The following ARHGAP6 variants were observed in gnomAD, a reference collection of about 807,000 sequenced individuals.
ARHGAP6 encodes rho GTPase-activating protein 6.
Under a neutral mutation model 55.7 loss-of-function variants are expected in ARHGAP6, and 16 were observed. The ratio of observed to expected loss-of-function variants is 0.29; its 90% CI spans 0.19 to 0.44. The LOEUF (loss-of-function observed/expected upper bound fraction) is 0.44. Ranked by LOEUF, ARHGAP6 falls within the 20% of genes least tolerant of loss-of-function variation. ARHGAP6 has a pLI of 1.00. For missense variants in ARHGAP6, 698 were observed against 808.9 expected (o/e 0.86, Z 1.66); for synonymous variants, 382 against 360.9 (o/e 1.06, Z -0.66).
At chrX:11,427,476 G>C in intron 1 of ARHGAP6, 1 of 913,674 alleles carries the variant, frequency 1.1e-6, no homozygotes, top group Non-Finnish European at 1.4e-6. Context: ...GACTACCATC[G>C]CCCCTCGCAG....
At position 11,189,105 on chromosome X, in the gene ARHGAP6, C is replaced by T. The variant is rs189810303; in HGVS notation, c.821-121G>A. ...AAAGGAATGTTTTCTGAAGAATTGA[C>T]TCATCAATCAAAAAGGTGACATTTG... On this transcript the variant is annotated intron_variant, in intron 3 of 12. Coordinates refer to ENST00000337414, the MANE Select transcript of ARHGAP6 (RefSeq NM_013427.3). 9.3e-5 allele frequency: 80 copies of T among 863,346 alleles called. No homozygotes were observed. The East Asian group carries it at 2.5e-3, about 27-fold the overall frequency. The allele number at this position is 863,346 out of a possible 1,213,427, so 71.1% of individuals were successfully genotyped here.
At position 11,165,662 on chromosome X, in the gene ARHGAP6, T is replaced by C. The variant is rs139227255; in HGVS notation, c.1809+3843A>G. Among the ~76,000 whole-genome samples the C allele has an allele frequency of 5.6e-3, 626 of 112,090 alleles. 5 individuals are homozygous for C. The highest frequency in any genetic ancestry group is 0.019 in the African/African-American group (586 of 30,838). ...GTTAACTGTGGGGCCCAAGATTACATAGCAAATAAGTGGCTGAGCAGGGAT... is the reference window on the plus strand; with the variant it reads ...GTTAACTGTGGGGCCCAAGATTACACAGCAAATAAGTGGCTGAGCAGGGAT... On this transcript the variant is annotated intron_variant, in intron 9 of 12. Coordinates refer to ENST00000337414, the MANE Select transcript of ARHGAP6 (RefSeq NM_013427.3).
chrX:11,409,197 G>A (rs148868007), intron 1 of ARHGAP6, among the ~76,000 whole-genome samples: 44 of 111,835 alleles, frequency 3.9e-4, no homozygotes, highest in African/African-American at 1.4e-3. Context: ...AGTGTTTTCC[G>A]TATGTTAATC....
intron 1 of ARHGAP6, among the ~76,000 whole-genome samples, chrX:11,447,146 A>T (rs1414984159): frequency 8.9e-6 from 1 of 112,051 alleles, no homozygotes; most frequent in East Asian, 2.8e-4. Flanking sequence ...GGGAGGAGGT[A>T]CTTGAGTCTT....
intron 6 of ARHGAP6, 68 bp from the exon 7 acceptor site, chrX:11,179,520 G>A (rs1439987980): frequency 1.8e-6 from 2 of 1,126,451 alleles, no homozygotes; most frequent in Non-Finnish European, 2.4e-6. Context: ...CCCAGCAGGA[G>A]AAGTGCTGTG....
chrX:11,354,285 CTCTCTCTCTT>C lies in ARHGAP6; in HGVS notation c.589-99588_589-99579del, dbSNP rs1210854528. Among the ~76,000 whole-genome samples the C allele has an allele frequency of 3.5e-3, 286 of 81,401 alleles. 1 individual carries two copies. Among genetic ancestry groups the C allele is most frequent in the Middle Eastern group, 6.5e-3 (1 of 154 alleles). The allele number at this position is 81,401 out of a possible 115,157, so 70.7% of individuals were successfully genotyped here. Reference sequence around the variant, plus strand: ...GAAAGAGCTCTCTCTCTCTCTCTCTCTCTCTCTCTTTCTCTCTCTCTCTCTCTCTCTCTCT... The same window carrying C: ...GAAAGAGCTCTCTCTCTCTCTCTCTCTCTCTCTCTCTCTCTCTCTCTCTCT... On this transcript the variant is annotated intron_variant, in intron 1 of 12. Transcript: ENST00000337414.
At chrX:11,488,197 G>A (rs1483673071) in intron 1 of ARHGAP6, among the ~76,000 whole-genome samples, 1 of 111,771 alleles carries the variant, frequency 8.9e-6, no homozygotes, top group Non-Finnish European at 1.9e-5. Context: ...ATACAAAGGA[G>A]ATTACTTAGA....
chrX:11,574,917 C>A (rs1312094207), intron 1 of ARHGAP6, among the ~76,000 whole-genome samples: 1 of 111,653 alleles, frequency 9.0e-6, no homozygotes, highest in African/African-American at 3.3e-5. Context: ...ATCAATCCCT[C>A]TCATCTGTAC....
intron 1 of ARHGAP6, among the ~76,000 whole-genome samples, chrX:11,625,282 G>A (rs1457447597): frequency 1.0e-5 from 1 of 95,363 alleles, no homozygotes; most frequent in Non-Finnish European, 2.2e-5. Context: ...TAAAGAAAAT[G>A]TGGAGTGTGT....
intron 1 of ARHGAP6, among the ~76,000 whole-genome samples, chrX:11,324,003 T>C (rs757782023): frequency 2.7e-5 from 3 of 111,072 alleles, no homozygotes; most frequent in African/African-American, 6.6e-5. Flanking sequence ...GGACCAATGA[T>C]TAACAGCAGA....
chrX:11,184,977 A>T (rs1293814180), intron 5 of ARHGAP6, among the ~76,000 whole-genome samples: 1 of 112,250 alleles, frequency 8.9e-6, no homozygotes, highest in Non-Finnish European at 1.9e-5. Context: ...AAACCTGTAC[A>T]GCATGCGACT....
intron 1 of ARHGAP6, among the ~76,000 whole-genome samples, chrX:11,454,104 C>T (rs749793724): frequency 7.2e-5 from 7 of 97,623 alleles, no homozygotes; most frequent in Admixed American, 3.5e-4. Context: ...CCACCACGCA[C>T]GGCTAATTTT....
chrX:11,514,514 C>T (rs2050817094), intron 1 of ARHGAP6, among the ~76,000 whole-genome samples: 1 of 109,927 alleles, frequency 9.1e-6, no homozygotes, highest in Non-Finnish European at 1.9e-5. Flanking sequence ...CCACCGTTCC[C>T]AACACCCTGC....
intron 1 of ARHGAP6, among the ~76,000 whole-genome samples, chrX:11,592,905 C>T (rs1020725961): frequency 2.0e-4 from 22 of 111,372 alleles, no homozygotes; most frequent in Non-Finnish European, 4.0e-4. Flanking sequence ...ACCCTCACTA[C>T]CTGGCAGCAT....
intron 1 of ARHGAP6, among the ~76,000 whole-genome samples, chrX:11,410,927 A>T (rs774776714): frequency 9.2e-6 from 1 of 108,461 alleles, no homozygotes; most frequent in African/African-American, 3.3e-5. Context: ...TTAAAGTGGG[A>T]ATAGGGTGTT....
chrX:11,516,804 A>G (rs2050846230), intron 1 of ARHGAP6, among the ~76,000 whole-genome samples: 1 of 111,688 alleles, frequency 9.0e-6, no homozygotes, highest in Non-Finnish European at 1.9e-5. Context: ...ATATTTTTCC[A>G]AATCTAAAGG....
chrX:11,483,682 T>G (rs2050482212), intron 1 of ARHGAP6, among the ~76,000 whole-genome samples: 1 of 111,071 alleles, frequency 9.0e-6, no homozygotes, highest in Non-Finnish European at 1.9e-5. Context: ...AAGCCACTGC[T>G]GATTACTCTT....
At chrX:11,630,604 T>C (rs1188845870) in intron 1 of ARHGAP6, among the ~76,000 whole-genome samples, 1 of 108,173 alleles carries the variant, frequency 9.2e-6, no homozygotes, top group Non-Finnish European at 1.9e-5. Context: ...ATGTTTGAGT[T>C]AATGATGAAT....
chrX:11,268,628 G>A (rs2047655627), intron 1 of ARHGAP6, among the ~76,000 whole-genome samples: 1 of 111,459 alleles, frequency 9.0e-6, no homozygotes, highest in Admixed American at 9.5e-5. Flanking sequence ...GAATGTCAGA[G>A]GAAGTGACAA....
Sources: allele counts gnomAD v4.1 joint callset (sites outside exome capture counted in the v4.1 genomes callset), GRCh38; gene constraint gnomAD v4.1.1; transcripts MANE v1.5; gene names NCBI Gene and HGNC (gene_info 2026-07-23, HGNC 2026-07-21).